The following MS4A13 variants were observed in gnomAD, a reference collection of about 807,000 sequenced individuals.
MS4A13 encodes the protein membrane spanning 4-domains A13, also known as membrane-spanning 4-domains subfamily A member 13.
A neutral mutation model predicts 18.4 loss-of-function variants in MS4A13; 21 were observed. The ratio of observed to expected loss-of-function variants is 1.14; its 90% CI spans 0.81 to 1.64. MS4A13 has a LOEUF of 1.64. Ranked by LOEUF, MS4A13 falls within the 40% of genes most tolerant of loss-of-function variation. The probability of loss-of-function intolerance (pLI) is 0.00; values close to 1 mark genes in which losing one functional copy is unlikely to be tolerated. For missense variants in MS4A13, 173 were observed against 176.8 expected (o/e 0.98, Z 0.12); for synonymous variants, 62 against 57.2 (o/e 1.08, Z -0.38).
intron 3 of MS4A13, among the ~76,000 whole-genome samples, chr11:60,521,818 T>C (rs12282328): frequency 0.17 from 25,247 of 152,154 alleles, 2,360 homozygotes; most frequent in East Asian, 0.27. Flanking sequence ...TGCCAATTTA[T>C]TGTAATAGTC....
At chr11:60,531,979 GA>G (rs1247059648) in intron 6 of MS4A13, among the ~76,000 whole-genome samples, 2 of 152,242 alleles carry the variant, frequency 1.3e-5, no homozygotes, top group Middle Eastern at 6.8e-3. Context: ...GAGGCAATCA[GA>G]ATCTAAAATT....
rs182330713 is a variant in MS4A13 at position 60,523,945 on chromosome 11, C to A, written c.178C>A (p.Arg60=). The change falls in exon 4 of 7, where the codon CGA becomes AGA. Residue 60 remains arginine (R), a synonymous_variant. Coordinates refer to ENST00000378186, the MANE Select transcript of MS4A13 (RefSeq NM_001012417.3). ...FLIRVTKYPT[R]SGIISTLIIN... is the part of the protein sequence containing the mutation. Reference sequence around the variant, plus strand: ...AATAAGAGTAACAAAGTATCCGACTCGATCTGGAGTAAGTTGAAATGTTTG... The same window carrying A: ...AATAAGAGTAACAAAGTATCCGACTAGATCTGGAGTAAGTTGAAATGTTTG... 2 of 1,525,612 alleles carry A rather than the reference C, an allele frequency of 1.3e-6. No homozygotes were observed. Among genetic ancestry groups the A allele is most frequent in the East Asian group, 2.3e-5 (1 of 44,374 alleles). The allele number at this position is 1,525,612 out of a possible 1,614,324, so 94.5% of individuals were successfully genotyped here.
At chr11:60,517,776 G>A (rs933164222) in intron 2 of MS4A13, among the ~76,000 whole-genome samples, 3 of 152,216 alleles carry the variant, frequency 2.0e-5, no homozygotes, top group African/African-American at 7.2e-5. Flanking sequence ...TACTTGATAG[G>A]TAGGGAGACT....
chr11:60,517,031 T>G (rs1485257673), intron 2 of MS4A13, among the ~76,000 whole-genome samples: 1 of 151,508 alleles, frequency 6.6e-6, no homozygotes, highest in Non-Finnish European at 1.5e-5. Flanking sequence ...CTCCAGGCCC[T>G]AAGGGATTTT....
intron 2 of MS4A13, among the ~76,000 whole-genome samples, chr11:60,517,049 A>G (rs11230355): frequency 0.2 from 30,683 of 151,834 alleles, 3,817 homozygotes; most frequent in African/African-American, 0.32. Flanking sequence ...TTTGCAGTCT[A>G]GTGGGAGATA....
At chr11:60,523,852 G>T in intron 3 of MS4A13, 45 bp from the exon 4 acceptor site, 1 of 1,072,452 alleles carries the variant, frequency 9.3e-7, no homozygotes, top group Non-Finnish European at 1.4e-6. Flanking sequence ...TTCTAAATTG[G>T]CAAGCATTAT....
intron 4 of MS4A13, among the ~76,000 whole-genome samples, chr11:60,524,586 C>G (rs562025733): frequency 2.0e-5 from 3 of 151,804 alleles, no homozygotes; most frequent in Non-Finnish European, 4.4e-5. Context: ...TTTTTTCTTA[C>G]AGTGGAACCA....
intron 6 of MS4A13, among the ~76,000 whole-genome samples, chr11:60,541,969 C>T (rs1312935994): frequency 6.6e-6 from 1 of 151,820 alleles, no homozygotes; most frequent in Non-Finnish European, 1.5e-5. Context: ...GGCATGGTGG[C>T]ACAGGCCTGT....
At chr11:60,526,536 C>G (rs991521904) in intron 5 of MS4A13, among the ~76,000 whole-genome samples, 2 of 152,154 alleles carry the variant, frequency 1.3e-5, no homozygotes, top group Non-Finnish European at 2.9e-5. Flanking sequence ...GTTTTATAGT[C>G]TCTCAAAATC....
At chr11:60,522,235 G>GATGTGTATATATATATATATATCT (rs1231071278) in intron 3 of MS4A13, among the ~76,000 whole-genome samples, 1 of 112,188 alleles carries the variant, frequency 8.9e-6, no homozygotes, top group Admixed American at 1.0e-4. Flanking sequence ...TAGATAGATA[G>GATGTGTATATATATATATATATCT]ATAGATGTAT....
chr11:60,532,126 A>C (rs894243124), intron 6 of MS4A13, among the ~76,000 whole-genome samples: 1 of 152,260 alleles, frequency 6.6e-6, no homozygotes, highest in African/African-American at 2.4e-5. Flanking sequence ...TGTTGGACTT[A>C]ACAAAGAAAG....
At chr11:60,529,525 G>A in intron 6 of MS4A13, 65 bp downstream of exon 6, 1 of 851,242 alleles carries the variant, frequency 1.2e-6, no homozygotes, top group Non-Finnish European at 1.8e-6. Flanking sequence ...CACTCTATGA[G>A]AAGATGAAGT....
At chr11:60,516,958 G>T (rs1384351696) in intron 2 of MS4A13, among the ~76,000 whole-genome samples, 2 of 151,584 alleles carry the variant, frequency 1.3e-5, no homozygotes, top group Non-Finnish European at 2.9e-5. Context: ...GTATTTGCTG[G>T]ATGCCTTCTC....
chr11:60,539,776 A>C (rs1346744082), intron 6 of MS4A13, among the ~76,000 whole-genome samples: 3 of 152,208 alleles, frequency 2.0e-5, no homozygotes, highest in Admixed American at 2.0e-4. Flanking sequence ...CTCATCCAAA[A>C]CAATGGAGGC....
chr11:60,533,593 ACT>A (rs1316125650), intron 6 of MS4A13, among the ~76,000 whole-genome samples: 2 of 115,690 alleles, frequency 1.7e-5, no homozygotes, highest in Non-Finnish European at 3.5e-5. Flanking sequence ...GTTGGAAAAC[ACT>A]CTGCAGGATA....
rs767944356 is a variant in MS4A13, at chr11:60,518,256, A to T, written c.129+44A>T. The T allele has an allele frequency of 2.7e-6, 4 of 1,491,770 alleles. No homozygotes were observed. The East Asian group carries it at 7.0e-5, about 26-fold the overall frequency. The allele number at this position is 1,491,770 out of a possible 1,614,324, so 92.4% of individuals were successfully genotyped here. On this transcript the variant is annotated intron_variant, in intron 3 of 6. Transcript: ENST00000378186. ...TATTGCTTTAATCATACAATAAATA[A>T]TATTCATGCCAATAGTAGAAGGTAG... is the stretch of plus-strand genomic sequence containing the variant.
chr11:60,527,404 CTCTCTCTGTGTGTGTGTGTG>C (rs2086725118), intron 5 of MS4A13, among the ~76,000 whole-genome samples: 1 of 73,462 alleles, frequency 1.4e-5, no homozygotes, highest in African/African-American at 6.4e-5. Context: ...CTCTCTCTCT[CTCTCTCTGTGTGTGTGTGTG>C]TGTGTGTGTG....
chr11:60,524,463 A>AT lies in MS4A13; in HGVS notation c.186+511dup, dbSNP rs570283000. Among the ~76,000 whole-genome samples, 9 of 152,146 alleles carry AT rather than the reference A, an allele frequency of 5.9e-5. No individual in the cohort carries two copies. The South Asian group carries it at 8.3e-4, about 14-fold the overall frequency. On this transcript the variant is annotated intron_variant, in intron 4 of 6. Coordinates refer to ENST00000378186, the MANE Select transcript of MS4A13 (RefSeq NM_001012417.3). ...TTAGTCTGCCCTCATAATTTTACAG[A>AT]TAAAAAAATGATGTCTGAAGATACT...
intron 5 of MS4A13, among the ~76,000 whole-genome samples, chr11:60,527,402 CTCTCTCTCTG>C (rs2086724761): frequency 2.5e-5 from 2 of 81,576 alleles, no homozygotes; most frequent in African/African-American, 1.1e-4. Flanking sequence ...CTCTCTCTCT[CTCTCTCTCTG>C]TGTGTGTGTG....
Sources: allele counts gnomAD v4.1 joint callset (sites outside exome capture counted in the v4.1 genomes callset), GRCh38; gene constraint gnomAD v4.1.1; transcripts MANE v1.5; gene names NCBI Gene and HGNC (gene_info 2026-07-23, HGNC 2026-07-21).